Variants in DENND5B observed in about 807,000 individuals in gnomAD.
DENND5B encodes the protein DENN domain containing 5B.
A neutral mutation model predicts 140.6 loss-of-function variants in DENND5B; 34 were observed. That is an observed-to-expected ratio of 0.24 (90% CI 0.18 to 0.32). DENND5B has a LOEUF of 0.32. Among genes scored for constraint, DENND5B ranks in the 10% least tolerant of loss-of-function variants. The pLI, the probability that DENND5B is intolerant of heterozygous loss-of-function variation, is 1.00. For synonymous variants in DENND5B, 551 were observed against 562.1 expected (o/e 0.98, Z 0.28); for missense variants, 1,142 against 1,560.2 (o/e 0.73, Z 4.52).
chr12:31,576,605 A>C (rs1950026913), intron 1 of DENND5B, among the ~76,000 whole-genome samples: 1 of 152,156 alleles, frequency 6.6e-6, no homozygotes, highest in African/African-American at 2.4e-5. Flanking sequence ...TTTTCAGGTC[A>C]GGCGTGGTGG....
chr12:31,578,656 T>C (rs1280156880), intron 1 of DENND5B, among the ~76,000 whole-genome samples: 1 of 152,202 alleles, frequency 6.6e-6, no homozygotes, highest in Non-Finnish European at 1.5e-5. Flanking sequence ...ATATATATCA[T>C]AACCTCAGTA....
chr12:31,411,143 G>A (rs1241253368), intron 13 of DENND5B, among the ~76,000 whole-genome samples: 4 of 151,302 alleles, frequency 2.6e-5, no homozygotes, highest in Admixed American at 6.6e-5. Context: ...AGGCTCAAGC[G>A]ATTCTCCTGC....
rs765816347 is a variant in DENND5B, at chr12:31,442,849, A to G, written c.1938T>C (p.Gly646=). ...IHPHLLDMKI[G]QGKYEQGFFP... ...AGAACCCCTGCTCATATTTGCCTTG[A>G]CCAATTTTCATATCAAGTAGATGTG... is the stretch of plus-strand genomic sequence containing the variant. The change falls in exon 7 of 21, where the codon GGT becomes GGC. Residue 646 remains glycine, a synonymous_variant. Coordinates refer to ENST00000389082, the MANE Select transcript of DENND5B (RefSeq NM_144973.4). 4 of 1,612,944 alleles carry G rather than the reference A, an allele frequency of 2.5e-6. No individual in the cohort carries two copies. Among genetic ancestry groups the G allele is most frequent in the African/African-American group, 2.7e-5 (2 of 74,916 alleles).
Position 31,409,210 on chromosome 12 carries a change from T to C in DENND5B, c.2803+53A>G. ...TCTTGCTTTAAAAAATATAAATGCT[T>C]TTATTGCATTGGTCACCTCAGTAAC... On this transcript the variant is annotated intron_variant, in intron 14 of 20. Transcript: ENST00000389082. 2.7e-6 allele frequency: 4 copies of C among 1,485,504 alleles called. No individual in the cohort carries two copies. The South Asian group carries it at 5.5e-5, about 20-fold the overall frequency. 92.0% of individuals were successfully genotyped at this position (1,485,504 alleles called of 1,614,324 possible).
intron 4 of DENND5B, among the ~76,000 whole-genome samples, chr12:31,459,723 A>G (rs1396678816): frequency 6.6e-6 from 1 of 152,226 alleles, no homozygotes; most frequent in Non-Finnish European, 1.5e-5. Context: ...CTGGCCTTGT[A>G]TCTGAAAACA....
chr12:31,470,076 T>G (rs1945474043), intron 3 of DENND5B, among the ~76,000 whole-genome samples: 2 of 150,334 alleles, frequency 1.3e-5, no homozygotes, highest in African/African-American at 4.9e-5. Flanking sequence ...GCCTCCCAAG[T>G]AGCTGGGACT....
intron 1 of DENND5B, among the ~76,000 whole-genome samples, chr12:31,579,978 A>AT (rs903150265): frequency 1.8e-4 from 27 of 149,274 alleles, no homozygotes; most frequent in Admixed American, 1.3e-3. Context: ...TATATAAAAA[A>AT]ATATATATAT....
chr12:31,474,925 T>G (rs538121085), intron 3 of DENND5B, among the ~76,000 whole-genome samples: 1 of 152,366 alleles, frequency 6.6e-6, no homozygotes, highest in South Asian at 2.1e-4. Flanking sequence ...CAGAATGAGT[T>G]AATCATTTAA....
chr12:31,479,577 AG>A lies in DENND5B; in HGVS notation c.904+11del. The A allele has an allele frequency of 6.8e-7, 1 of 1,472,002 alleles. No homozygotes were observed. Among genetic ancestry groups the A allele is most frequent in the Non-Finnish European group, 9.0e-7 (1 of 1,111,588 alleles). The allele number at this position is 1,472,002 out of a possible 1,614,324, so 91.2% of individuals were successfully genotyped here. ...TTGTTTTTGGAAAATGTAAAATCCAAGGAAAACCTACCTTGTGAGTAGAGAA... is the reference window on the plus strand; with the variant it reads ...TTGTTTTTGGAAAATGTAAAATCCAAGAAAACCTACCTTGTGAGTAGAGAA... On this transcript the variant is annotated intron_variant, in intron 3 of 20. Coordinates refer to ENST00000389082, the MANE Select transcript of DENND5B (RefSeq NM_144973.4).
At chr12:31,498,645 C>G (rs1331410077) in intron 1 of DENND5B, among the ~76,000 whole-genome samples, 1 of 152,048 alleles carries the variant, frequency 6.6e-6, no homozygotes, top group Non-Finnish European at 1.5e-5. Flanking sequence ...AGGGGAAGAA[C>G]TAACTATGTA....
Position 31,386,558 on chromosome 12 carries a change from G to T in DENND5B, c.*1045C>A, listed in dbSNP as rs11051416. The T allele has an allele frequency of 0.025, 3,803 of 152,228 alleles. 66 individuals carry two copies. Among genetic ancestry groups the T allele is most frequent in the Non-Finnish European group, 0.041 (2,773 of 68,020 alleles). 9.4% of individuals were successfully genotyped at this position (152,228 alleles called of 1,614,324 possible). On this transcript the variant is annotated 3_prime_UTR_variant, in exon 21 of 21. Transcript: ENST00000389082. Reference sequence around the variant, plus strand: ...CTCCTTCTGTTATTTGCATTATCATGGTCAACAAATGCTTTCACAAAAACA... The same window carrying T: ...CTCCTTCTGTTATTTGCATTATCATTGTCAACAAATGCTTTCACAAAAACA...
intron 1 of DENND5B, among the ~76,000 whole-genome samples, chr12:31,503,567 A>G (rs927811456): frequency 1.3e-5 from 2 of 152,192 alleles, no homozygotes; most frequent in Admixed American, 1.3e-4. Flanking sequence ...AACAATTGAC[A>G]CTGAAAATCA....
chr12:31,537,888 A>G (rs1490184702), intron 1 of DENND5B, among the ~76,000 whole-genome samples: 1 of 152,228 alleles, frequency 6.6e-6, no homozygotes, highest in African/African-American at 2.4e-5. Flanking sequence ...GAAGAGACAA[A>G]GAAGGTCACT....
chr12:31,576,141 CAAAAAAAA>C (rs71445806), intron 1 of DENND5B, among the ~76,000 whole-genome samples: 1 of 24,600 alleles, frequency 4.1e-5, no homozygotes, highest in Non-Finnish European at 7.3e-5. Flanking sequence ...GCTCTGTCTC[CAAAAAAAA>C]AAAAAAAAAG....
chr12:31,399,454 T>A (rs965231555), intron 16 of DENND5B, among the ~76,000 whole-genome samples, 200 bp downstream of exon 16: 5 of 151,784 alleles, frequency 3.3e-5, no homozygotes, highest in African/African-American at 1.2e-4. Context: ...AATTTTTTTT[T>A]ATTTAGTAGA....
At chr12:31,439,787 G>A (rs779354949) in intron 7 of DENND5B, among the ~76,000 whole-genome samples, 2 of 151,828 alleles carry the variant, frequency 1.3e-5, no homozygotes, top group Admixed American at 6.6e-5. Context: ...AAATTAGCCT[G>A]GCGTAGTGGC....
chr12:31,408,022 T>C (rs1461649193), intron 14 of DENND5B, among the ~76,000 whole-genome samples: 1 of 152,142 alleles, frequency 6.6e-6, no homozygotes, highest in Non-Finnish European at 1.5e-5. Flanking sequence ...TTGGACAGGC[T>C]CAGTGGCTCA....
At chr12:31,535,266 C>G (rs1447762962) in intron 1 of DENND5B, 1 of 185,182 alleles carries the variant, frequency 5.4e-6, no homozygotes, top group Non-Finnish European at 1.1e-5. Flanking sequence ...CCACTGCAGG[C>G]TACTTAATGA....
chr12:31,540,438 G>C (rs1430224203), intron 1 of DENND5B, among the ~76,000 whole-genome samples: 1 of 152,180 alleles, frequency 6.6e-6, no homozygotes, highest in Admixed American at 6.5e-5. Context: ...CAGATCACTT[G>C]AGGCCAAGAG....
Sources: gnomAD v4.1 joint callset for allele counts (sites outside exome capture counted in the v4.1 genomes callset) on GRCh38, gnomAD v4.1.1 for gene constraint, MANE v1.5 for transcripts, NCBI Gene and HGNC (gene_info 2026-07-23, HGNC 2026-07-21) for gene names.